RRAGB: variants seen among roughly 807,000 people sequenced by gnomAD.
The protein encoded by RRAGB is ras-related GTP-binding protein B.
Under a neutral mutation model 29.3 loss-of-function variants are expected in RRAGB, and 6 were observed. The observed-to-expected ratio is 0.21, with a 90% CI of 0.11 to 0.40. The LOEUF is 0.40. RRAGB is among the 10% of genes least tolerant of loss of function. The probability of loss-of-function intolerance (pLI) is 1.00; values close to 1 mark genes in which losing one functional copy is unlikely to be tolerated. For missense variants in RRAGB, 184 were observed against 272.9 expected (o/e 0.67, Z 2.29); for synonymous variants, 101 against 92.5 (o/e 1.09, Z -0.53).
chrX:55,722,108 G>T (rs747067559), intron 2 of RRAGB, 78 bp from the exon 3 acceptor site: 11 of 541,842 alleles, frequency 2.0e-5, no homozygotes, highest in Non-Finnish European at 3.4e-5. Context: ...AAATCCAGGA[G>T]AGAAATAGAT....
At chrX:55,755,407 T>C (rs1174900850) in intron 7 of RRAGB, 1 of 747,671 alleles carries the variant, frequency 1.3e-6, no homozygotes, top group African/African-American at 2.3e-5. Flanking sequence ...AAAATACAAT[T>C]CCAAAAGCTA....
Position 55,726,923 on chromosome X carries a change from A to G in RRAGB, c.227-2371A>G, listed in dbSNP as rs977058145. Reference sequence around the variant, plus strand: ...AAATGGCAAATAAAATAATAAGAATAGACTAGCTTGCCTTGGGGAAGGTGG... The same window carrying G: ...AAATGGCAAATAAAATAATAAGAATGGACTAGCTTGCCTTGGGGAAGGTGG... On this transcript the variant is annotated intron_variant, in intron 3 of 9. Transcript: ENST00000374941. Among the ~76,000 whole-genome samples the G allele has an allele frequency of 2.7e-5, 3 of 111,623 alleles. No individual in the cohort carries two copies. In the East Asian group the frequency reaches 8.4e-4, roughly 31 times the overall value.
chrX:55,727,426 A>T lies in RRAGB; in HGVS notation c.227-1868A>T, dbSNP rs201974942. ...ATTCCTTTTCCAAGGAGGGGGAAGT[A>T]AAGGGGAGAAGGGAAGTAGTTTGAG... On this transcript the variant is annotated intron_variant, in intron 3 of 9. Transcript: ENST00000374941. 98 of 624,030 alleles carry T rather than the reference A, an allele frequency of 1.6e-4. 1 individual carries two copies. The African/African-American group carries it at 2.1e-3, about 13-fold the overall frequency. The allele number at this position is 624,030 out of a possible 1,213,427, so 51.4% of individuals were successfully genotyped here. A position where few individuals can be genotyped will look rare whatever the true frequency, so the allele number is the denominator to read the frequency against.
At chrX:55,755,667 A>G in intron 7 of RRAGB, 174 bp from the exon 8 acceptor site, 1 of 991,235 alleles carries the variant, frequency 1.0e-6, no homozygotes, top group Middle Eastern at 3.6e-4. Context: ...TGGACGTTGA[A>G]ACCACACAGA....
intron 3 of RRAGB, among the ~76,000 whole-genome samples, chrX:55,726,335 C>A (rs1467933064): frequency 9.0e-6 from 1 of 111,568 alleles, no homozygotes; most frequent in Non-Finnish European, 1.9e-5. Flanking sequence ...TGAGGTTATC[C>A]TTCTGGCCCT....
chrX:55,756,281 ACTTT>A (rs971818102), intron 8 of RRAGB, among the ~76,000 whole-genome samples: 14 of 112,445 alleles, frequency 1.2e-4, no homozygotes, highest in Non-Finnish European at 2.3e-4. Context: ...TAAAACTACT[ACTTT>A]AAGTATTTAC....
intron 5 of RRAGB, among the ~76,000 whole-genome samples, chrX:55,733,985 A>C (rs1602032659): frequency 9.8e-6 from 1 of 101,905 alleles, no homozygotes; most frequent in Non-Finnish European, 2.0e-5. Context: ...TTTTTTTGAG[A>C]CGGAGTCTCG....
Position 55,758,238 on chromosome X carries a change from GC to G in RRAGB, c.944-5del, listed in dbSNP as rs1435921454. ...AATTCTGTTGGGTGTTTCCGCCCCC[GC>G]CCTCAGCTTCTGCAGCTACTCTGAT... On this transcript the variant is annotated splice_polypyrimidine_tract_variant and splice_region_variant and intron_variant, in intron 9 of 9. Coordinates refer to ENST00000374941, the MANE Select transcript of RRAGB (RefSeq NM_006064.5). The G allele has an allele frequency of 8.6e-7, 1 of 1,156,192 alleles. No individual in the cohort carries two copies. Among genetic ancestry groups the G allele is most frequent in the Non-Finnish European group, 1.2e-6 (1 of 850,831 alleles).
intron 3 of RRAGB, among the ~76,000 whole-genome samples, chrX:55,728,271 G>A (rs1383043623): frequency 3.6e-5 from 4 of 111,931 alleles, no homozygotes; most frequent in Admixed American, 2.8e-4. Flanking sequence ...ATTCCTGCAT[G>A]GCAAATGAAC....
chrX:55,718,971 G>GT (rs1033507197), intron 1 of RRAGB, among the ~76,000 whole-genome samples: 1 of 111,800 alleles, frequency 8.9e-6, no homozygotes, highest in Non-Finnish European at 1.9e-5. Flanking sequence ...AATATATTCT[G>GT]TTTTTTTAGA....
At chrX:55,718,930 TTC>T (rs2033159208) in intron 1 of RRAGB, among the ~76,000 whole-genome samples, 2 of 111,981 alleles carry the variant, frequency 1.8e-5, no homozygotes, top group South Asian at 7.4e-4. Flanking sequence ...ATAGAAGATA[TTC>T]AATACTCAGT....
At chrX:55,737,433 GCC>G (rs1043005202) in intron 5 of RRAGB, among the ~76,000 whole-genome samples, 2 of 112,486 alleles carry the variant, frequency 1.8e-5, no homozygotes, top group African/African-American at 6.5e-5. Flanking sequence ...TGGAAGAGAA[GCC>G]CCAGCTGTAT....
At chrX:55,746,360 T>G (rs901397450) in intron 5 of RRAGB, among the ~76,000 whole-genome samples, 4 of 111,641 alleles carry the variant, frequency 3.6e-5, no homozygotes, top group African/African-American at 1.3e-4. Context: ...CTATTCTGAT[T>G]AATGCTTTGA....
chrX:55,738,558 A>T (rs1376982906), intron 5 of RRAGB, among the ~76,000 whole-genome samples: 1 of 112,744 alleles, frequency 8.9e-6, no homozygotes, highest in Admixed American at 9.4e-5. Context: ...GCACATGAGT[A>T]GGCTCAAGAC....
At chrX:55,757,161 C>A in intron 8 of RRAGB, 55 bp from the exon 9 acceptor site, 1 of 611,667 alleles carries the variant, frequency 1.6e-6, no homozygotes, top group Non-Finnish European at 2.7e-6. Context: ...TAAATAAGAG[C>A]TTGTTGTAGT....
intron 5 of RRAGB, among the ~76,000 whole-genome samples, chrX:55,748,900 G>A (rs1298136264): frequency 3.9e-5 from 4 of 102,420 alleles, no homozygotes; most frequent in African/African-American, 1.5e-4. Flanking sequence ...CGCCCCATCC[G>A]GGAGGGAGGT....
intron 1 of RRAGB, 149 bp downstream of exon 1, chrX:55,718,568 G>A: frequency 2.4e-6 from 1 of 411,513 alleles, no homozygotes; most frequent in Admixed American, 4.4e-5. Context: ...TTGGACGACA[G>A]GATAAACTGG....
chrX:55,755,310 A>G (rs1301324050), intron 7 of RRAGB: 1 of 753,003 alleles, frequency 1.3e-6, no homozygotes, highest in East Asian at 1.5e-4. Flanking sequence ...AGTTAGAAAA[A>G]GTATTTTCAG....
At chrX:55,747,084 A>AGGG (rs2034271372) in intron 5 of RRAGB, among the ~76,000 whole-genome samples, 1 of 111,903 alleles carries the variant, frequency 8.9e-6, no homozygotes, top group African/African-American at 3.3e-5. Flanking sequence ...AGAAGCAAAG[A>AGGG]GGGGTAGTGG....
Sources: allele counts gnomAD v4.1 joint callset (sites outside exome capture counted in the v4.1 genomes callset), GRCh38; gene constraint gnomAD v4.1.1; transcripts MANE v1.5; gene names NCBI Gene and HGNC (gene_info 2026-07-23, HGNC 2026-07-21).